NAALADL2: variants seen among roughly 807,000 people sequenced by gnomAD.
NAALADL2 encodes N-acetylated alpha-linked acidic dipeptidase like 2, also known as inactive N-acetylated-alpha-linked acidic dipeptidase-like protein 2.
In NAALADL2, 76 loss-of-function variants were observed where a neutral mutation model predicts 87.2. That is an observed-to-expected ratio of 0.87 (90% confidence interval 0.72 to 1.05). NAALADL2 has a LOEUF of 1.05. NAALADL2 is among the 50% of genes least tolerant of loss of function. NAALADL2 has a pLI of 0.00. For synonymous variants in NAALADL2, 354 were observed against 331.0 expected (o/e 1.07, Z -0.75); for missense variants, 1,089 against 945.8 (o/e 1.15, Z -1.99).
At chr3:175,114,510 T>C (rs930225733) in intron 2 of NAALADL2, among the ~76,000 whole-genome samples, 2 of 151,712 alleles carry the variant, frequency 1.3e-5, no homozygotes, top group Non-Finnish European at 3.0e-5. Context: ...ATTTTCTAAA[T>C]GTATGCTAAA....
intron 4 of NAALADL2, among the ~76,000 whole-genome samples, chr3:175,284,479 T>C (rs2110100893): frequency 6.6e-6 from 1 of 152,102 alleles, no homozygotes; most frequent in Middle Eastern, 3.4e-3. Context: ...ATGTATGGCT[T>C]AGAAGAAGCC....
chr3:175,580,240 CTGTG>C (rs573662756), intron 10 of NAALADL2, among the ~76,000 whole-genome samples: 3 of 150,346 alleles, frequency 2.0e-5, no homozygotes, highest in Admixed American at 6.6e-5. Context: ...AATTATGCCT[CTGTG>C]TGTGTGTGTG....
chr3:175,155,145 G>C (rs1732111965), intron 2 of NAALADL2, among the ~76,000 whole-genome samples: 1 of 152,116 alleles, frequency 6.6e-6, no homozygotes, highest in Non-Finnish European at 1.5e-5. Flanking sequence ...AGATGACAAA[G>C]CATAGGATGC....
intron 3 of NAALADL2, among the ~76,000 whole-genome samples, chr3:174,775,955 A>G (rs909911465): frequency 7.9e-5 from 12 of 152,182 alleles, no homozygotes; most frequent in Non-Finnish European, 1.5e-4. Flanking sequence ...AGTTATCTGG[A>G]CATAGACACT....
At position 175,783,466 on chromosome 3, in the gene NAALADL2, C is replaced by T. The variant is rs563982227; in HGVS notation, c.2190-19539C>T. On this transcript the variant is annotated intron_variant, in intron 13 of 13. Transcript: ENST00000454872. ...CCTAGGTATTTTATTCTCTTGGAAG[C>T]AATTGTGAATGGGAGTTCACTCATG... Among the ~76,000 whole-genome samples the T allele has an allele frequency of 7.2e-3, 1,090 of 151,542 alleles. 13 individuals carry two copies. The highest frequency in any genetic ancestry group is 0.026 in the African/African-American group (1,047 of 41,028).
chr3:174,963,752 T>A (rs576525238), intron 1 of NAALADL2, among the ~76,000 whole-genome samples: 2 of 152,286 alleles, frequency 1.3e-5, no homozygotes, highest in South Asian at 4.1e-4. Context: ...AAAAGACAGC[T>A]TAAAATCATG....
intron 12 of NAALADL2, among the ~76,000 whole-genome samples, chr3:175,742,753 A>C (rs1002716632): frequency 1.3e-5 from 2 of 152,128 alleles, no homozygotes; most frequent in African/African-American, 4.8e-5. Flanking sequence ...AACCCAAAGA[A>C]AGAGGGAAAT....
chr3:174,588,437 G>T (rs1483361561), intron 2 of NAALADL2, among the ~76,000 whole-genome samples: 1 of 152,164 alleles, frequency 6.6e-6, no homozygotes, highest in Non-Finnish European at 1.5e-5. Context: ...CGTTCCTTTG[G>T]AGGAGAAGAG....
At position 174,630,505 on chromosome 3, in the gene NAALADL2, A is replaced by G. The variant is rs150606888; in HGVS notation, c.-115+79868A>G. ...TGGTATTTTCCCCATTCAAAAAAAC[A>G]GGAGTGGAATAAAATGTTCAAACAT... On this transcript the variant is annotated intron_variant, in intron 2 of 3. Coordinates refer to the NAALADL2 transcript ENST00000434257. 2.7e-3 allele frequency among the ~76,000 whole-genome samples: 407 copies of G among 152,312 alleles called. 1 individual carries two copies. The highest frequency in any genetic ancestry group is 9.5e-3 in the African/African-American group (395 of 41,586).
chr3:175,530,291 C>A (rs184689057), intron 9 of NAALADL2, among the ~76,000 whole-genome samples: 2 of 152,184 alleles, frequency 1.3e-5, no homozygotes, highest in African/African-American at 4.8e-5. Context: ...TCAGAGAGGT[C>A]GATCCACATA....
intron 9 of NAALADL2, among the ~76,000 whole-genome samples, chr3:175,481,335 C>CTGTGTGTGTGTGTGTGTGTGTGTG (rs3040504): frequency 4.2e-5 from 6 of 143,904 alleles, no homozygotes; most frequent in African/African-American, 1.5e-4. Flanking sequence ...AACAATGCCA[C>CTGTGTGTGTGTGTGTGTGTGTGTG]TGTGTGTGTG....
chr3:174,693,327 G>C (rs1429918229), intron 2 of NAALADL2, among the ~76,000 whole-genome samples: 1 of 152,174 alleles, frequency 6.6e-6, no homozygotes, highest in African/African-American at 2.4e-5. Context: ...CTTGGTAGAA[G>C]TGGACCATAG....
chr3:174,843,856 C>T (rs1259330453), intron 3 of NAALADL2, among the ~76,000 whole-genome samples: 1 of 151,520 alleles, frequency 6.6e-6, no homozygotes, highest in African/African-American at 2.4e-5. Flanking sequence ...AGGTCTTTTG[C>T]TGATTTAAAA....
At chr3:174,835,251 A>G (rs1314378072) in intron 3 of NAALADL2, among the ~76,000 whole-genome samples, 1 of 152,126 alleles carries the variant, frequency 6.6e-6, no homozygotes, top group East Asian at 1.9e-4. Flanking sequence ...CTTACTATTT[A>G]ATGGGGAAAA....
chr3:174,903,680 C>A (rs966492332), intron 1 of NAALADL2, among the ~76,000 whole-genome samples: 60 of 151,960 alleles, frequency 3.9e-4, no homozygotes, highest in African/African-American at 1.4e-3. Context: ...ATGCAATTCA[C>A]TGGTAAAAAC....
chr3:175,326,529 C>T (rs62287014), intron 5 of NAALADL2, among the ~76,000 whole-genome samples: 28,731 of 152,136 alleles, frequency 0.19, 3,055 homozygotes, highest in African/African-American at 0.28. Flanking sequence ...TAGCAAGAAC[C>T]GCACTTCTGG....
chr3:174,834,062 GA>G lies in NAALADL2; in HGVS notation c.-9+96321del, dbSNP rs1723047325. On this transcript the variant is annotated intron_variant, in intron 3 of 3. Transcript: ENST00000434257. ...ACATTCTAGCATTGTAATAAAGGAA[GA>G]AAAATGAATTAAAGGAATAGAGTTT... 1.3e-5 allele frequency among the ~76,000 whole-genome samples: 2 copies of G among 149,218 alleles called. 1 individual carries two copies. The highest frequency in any genetic ancestry group is 4.2e-4 in the South Asian group (2 of 4,744).
intron 13 of NAALADL2, among the ~76,000 whole-genome samples, chr3:175,781,668 A>T (rs1212446883): frequency 2.6e-5 from 4 of 151,902 alleles, no homozygotes; most frequent in Non-Finnish European, 5.9e-5. Context: ...AAAAAAAAAA[A>T]AAGTTTAAAA....
intron 2 of NAALADL2, among the ~76,000 whole-genome samples, chr3:175,194,857 A>C (rs951741864): frequency 6.6e-6 from 1 of 151,792 alleles, no homozygotes. Flanking sequence ...AAATCATTTA[A>C]TAATGAAGTT....
Sources: allele counts gnomAD v4.1 joint callset (sites outside exome capture counted in the v4.1 genomes callset), GRCh38; gene constraint gnomAD v4.1.1; transcripts MANE v1.5; gene names NCBI Gene and HGNC (gene_info 2026-07-23, HGNC 2026-07-21).